Variants in ATP6V1C1 observed in about 807,000 individuals in gnomAD.
ATP6V1C1 encodes ATPase H+ transporting V1 subunit C1, also known as V-type proton ATPase subunit C 1.
Under a neutral mutation model 53.9 loss-of-function variants are expected in ATP6V1C1, and 45 were observed. The observed-to-expected ratio is 0.83, with a 90% confidence interval of 0.66 to 1.07. The LOEUF (loss-of-function observed/expected upper bound fraction) is 1.07, where lower values mean the gene tolerates loss of function less well. Ranked by LOEUF, ATP6V1C1 falls within the 50% of genes least tolerant of loss-of-function variation. The probability of loss-of-function intolerance (pLI) is 0.00; values close to 1 mark genes in which losing one functional copy is unlikely to be tolerated. For missense variants in ATP6V1C1, 315 were observed against 440.3 expected, an observed-to-expected ratio of 0.72 and a Z score of 2.55; for synonymous variants, 153 against 155.2, an observed-to-expected ratio of 0.99 and a Z score of 0.11.
intron 4 of ATP6V1C1, 89 bp downstream of exon 4, chr8:103,049,044 C>A: frequency 8.5e-7 from 1 of 1,182,500 alleles, no homozygotes. Flanking sequence ...AAAAAGTCTA[C>A]AGAAAAGGAC....
intron 3 of ATP6V1C1, 35 bp from the exon 4 acceptor site, chr8:103,048,834 TC>T (rs764706844): frequency 6.4e-7 from 1 of 1,560,072 alleles, no homozygotes; most frequent in Non-Finnish European, 8.8e-7. Context: ...TAGATCTTTT[TC>T]CTGAGAATGG....
At chr8:103,055,967 T>G (rs758614605) in intron 8 of ATP6V1C1, 31 bp downstream of exon 8, 2 of 1,588,894 alleles carry the variant, frequency 1.3e-6, no homozygotes, top group Non-Finnish European at 8.6e-7. Flanking sequence ...AACCATTTGT[T>G]TCCTAGAATT....
At chr8:103,032,001 T>TAAAAAAAA (rs58257930) in intron 1 of ATP6V1C1, among the ~76,000 whole-genome samples, 1 of 109,576 alleles carries the variant, frequency 9.1e-6, no homozygotes, top group African/African-American at 2.8e-5. Flanking sequence ...GCATATATTG[T>TAAAAAAAA]AAAAAAAAAA....
intron 4 of ATP6V1C1, among the ~76,000 whole-genome samples, chr8:103,049,307 G>C (rs2131394511): frequency 6.6e-6 from 1 of 152,304 alleles, no homozygotes; most frequent in African/African-American, 2.4e-5. Context: ...CATTGTTCCA[G>C]TTGAATACCT....
chr8:103,059,569 C>T (rs1448320607), intron 8 of ATP6V1C1, among the ~76,000 whole-genome samples: 1 of 149,394 alleles, frequency 6.7e-6, no homozygotes, highest in Non-Finnish European at 1.5e-5. Context: ...ATGTCATTTC[C>T]ACCTTCCATA....
At position 103,053,987 on chromosome 8, in the gene ATP6V1C1, G is replaced by A; in HGVS notation, c.572+5G>A. ...ATTACTGGTAGTAGTTCCCAAGTAA[G>A]TCTTTCTATTATAAAAGGTTTTACT... is the stretch of plus-strand genomic sequence containing the variant. On this transcript the variant is annotated splice_donor_5th_base_variant and intron_variant, in intron 7 of 12. Coordinates refer to ENST00000518738, the MANE Select transcript of ATP6V1C1 (RefSeq NM_001695.5). The A allele has an allele frequency of 1.3e-6, 2 of 1,594,796 alleles. No homozygotes were observed. Among genetic ancestry groups the A allele is most frequent in the Non-Finnish European group, 1.7e-6 (2 of 1,167,642 alleles).
chr8:103,056,546 C>T lies in ATP6V1C1; in HGVS notation c.641+610C>T, dbSNP rs117113258. Among the ~76,000 whole-genome samples the T allele has an allele frequency of 3.3e-3, 508 of 152,242 alleles. 5 individuals carry two copies. The highest frequency in any genetic ancestry group is 0.013 in the South Asian group (63 of 4,824). On this transcript the variant is annotated intron_variant, in intron 8 of 12. Coordinates refer to ENST00000518738, the MANE Select transcript of ATP6V1C1 (RefSeq NM_001695.5). Reference sequence around the variant, plus strand: ...TATGGACAGTTATCATTCTTATTCTCAAGGAAGAAGAAGTTAAAATGCTTA... The same window carrying T: ...TATGGACAGTTATCATTCTTATTCTTAAGGAAGAAGAAGTTAAAATGCTTA...
rs940957064 is a variant in ATP6V1C1 at position 103,070,323 on chromosome 8, A to G, written c.*1576A>G. 6.6e-6 allele frequency: 1 copy of G among 152,206 alleles called. No homozygotes were observed. The highest frequency in any genetic ancestry group is 1.5e-5 in the Non-Finnish European group (1 of 68,036). 9.4% of individuals were successfully genotyped at this position (152,206 alleles called of 1,614,324 possible). A position where few individuals can be genotyped will look rare whatever the true frequency, so the allele number is the denominator to read the frequency against. On this transcript the variant is annotated 3_prime_UTR_variant, in exon 13 of 13. Transcript: ENST00000518738. Reference sequence around the variant, plus strand: ...TGTATACTTGTATTAGTATTTCTGTAAGATCTGAGAAGTGGAATTTGTAGG... The same window carrying G: ...TGTATACTTGTATTAGTATTTCTGTGAGATCTGAGAAGTGGAATTTGTAGG...
chr8:103,042,396 A>G lies in ATP6V1C1; in HGVS notation c.189A>G (p.Ala63=), dbSNP rs1012126886. 4 of 1,613,966 alleles carry G rather than the reference A, an allele frequency of 2.5e-6. No homozygotes were observed. The highest frequency in any genetic ancestry group is 3.4e-6 in the Non-Finnish European group (4 of 1,179,970). The change falls in exon 3 of 13, where the codon GCA becomes GCG. Residue 63 remains alanine (A), a synonymous_variant. Coordinates refer to ENST00000518738, the MANE Select transcript of ATP6V1C1 (RefSeq NM_001695.5). ...GLSDELAKLD[A]FVEGVVKKVA... ...CAGATGAACTGGCTAAACTGGATGC[A>G]TTTGTAGAAGGGTAATGTACTTATA...
intron 8 of ATP6V1C1, among the ~76,000 whole-genome samples, chr8:103,058,298 T>A (rs560833000): frequency 1.9e-3 from 284 of 152,340 alleles, no homozygotes; most frequent in African/African-American, 6.6e-3. Flanking sequence ...AGTGAAAACA[T>A]CTTTTCTACC....
intron 1 of ATP6V1C1, among the ~76,000 whole-genome samples, chr8:103,037,338 T>G (rs947210435): frequency 6.6e-6 from 1 of 151,988 alleles, no homozygotes; most frequent in African/African-American, 2.4e-5. Context: ...ATTTATTTTT[T>G]AAAAATAAAA....
intron 7 of ATP6V1C1, 142 bp from the exon 8 acceptor site, chr8:103,055,726 C>T (rs1251567103): frequency 7.6e-6 from 5 of 657,394 alleles, no homozygotes; most frequent in Middle Eastern, 2.8e-4. Context: ...GTAGGAAACC[C>T]GAATTTTTTT....
chr8:103,045,101 G>A (rs898204768), intron 3 of ATP6V1C1, among the ~76,000 whole-genome samples: 1 of 152,156 alleles, frequency 6.6e-6, no homozygotes, highest in African/African-American at 2.4e-5. Context: ...GGTGTAATTT[G>A]TAAAGTACAG....
intron 6 of ATP6V1C1, among the ~76,000 whole-genome samples, chr8:103,053,590 GTAGA>G (rs1817237852): frequency 6.6e-6 from 1 of 151,952 alleles, no homozygotes; most frequent in African/African-American, 2.4e-5. Flanking sequence ...TATCTAATGA[GTAGA>G]TAGTTTTCCA....
chr8:103,043,209 G>A (rs571145926), intron 3 of ATP6V1C1, among the ~76,000 whole-genome samples: 1 of 152,258 alleles, frequency 6.6e-6, no homozygotes, highest in Non-Finnish European at 1.5e-5. Flanking sequence ...TAATATTCCC[G>A]CCGGCAGTGT....
In ATP6V1C1 at chr8:103,052,714, CT is replaced by C; in HGVS notation, c.382-12del. ...TAGGAAAATTTTATCTATTTTTCTT[CT>C]TTTTCTTTTTCAAAGGGAGTAACTC... On this transcript the variant is annotated splice_polypyrimidine_tract_variant and intron_variant, in intron 5 of 12. Coordinates refer to ENST00000518738, the MANE Select transcript of ATP6V1C1 (RefSeq NM_001695.5). 6.6e-7 allele frequency: 1 copy of C among 1,523,150 alleles called. No individual in the cohort carries two copies. The highest frequency in any genetic ancestry group is 2.0e-5 in the Admixed American group (1 of 49,398). The allele number at this position is 1,523,150 out of a possible 1,614,324, so 94.4% of individuals were successfully genotyped here.
chr8:103,051,764 C>T (rs1339173685), intron 5 of ATP6V1C1, among the ~76,000 whole-genome samples: 1 of 151,938 alleles, frequency 6.6e-6, no homozygotes, highest in Non-Finnish European at 1.5e-5. Flanking sequence ...TCTTTTTCCC[C>T]CCAAGATCTG....
At chr8:103,040,086 A>C (rs1314313232) in intron 1 of ATP6V1C1, among the ~76,000 whole-genome samples, 1 of 152,086 alleles carries the variant, frequency 6.6e-6, no homozygotes, top group African/African-American at 2.4e-5. Flanking sequence ...CATTGATTCA[A>C]TTAAATTCTT....
At chr8:103,031,017 A>G (rs1816788195) in intron 1 of ATP6V1C1, among the ~76,000 whole-genome samples, 1 of 152,196 alleles carries the variant, frequency 6.6e-6, no homozygotes, top group Non-Finnish European at 1.5e-5. Context: ...GGGTGGATCA[A>G]GCTGATCCTC....
Sources: gnomAD v4.1 joint callset for allele counts (sites outside exome capture counted in the v4.1 genomes callset) on GRCh38, gnomAD v4.1.1 for gene constraint, MANE v1.5 for transcripts, NCBI Gene and HGNC (gene_info 2026-07-23, HGNC 2026-07-21) for gene names.